Variants in FOXP2 observed in about 807,000 individuals in gnomAD.
The protein encoded by FOXP2 is forkhead box protein P2.
In FOXP2, 12 loss-of-function variants were observed where a neutral mutation model predicts 115.8. The ratio of observed to expected loss-of-function variants is 0.10; its 90% confidence interval spans 0.07 to 0.17. FOXP2 has a LOEUF of 0.17. FOXP2 is among the 10% of genes least tolerant of loss of function. The probability of loss-of-function intolerance (pLI) is 1.00; values close to 1 mark genes in which losing one functional copy is unlikely to be tolerated. For missense variants in FOXP2, 629 were observed against 843.5 expected (o/e 0.75, Z 3.15); for synonymous variants, 328 against 297.7 (o/e 1.10, Z -1.05).
chr7:114,517,893 T>C (rs983406029), intron 2 of FOXP2, among the ~76,000 whole-genome samples: 1 of 152,188 alleles, frequency 6.6e-6, no homozygotes, highest in South Asian at 2.1e-4. Flanking sequence ...AGCAATTGTA[T>C]TGAATCTGTG....
At chr7:114,444,462 C>G (rs1794742234) in intron 2 of FOXP2, among the ~76,000 whole-genome samples, 2 of 152,152 alleles carry the variant, frequency 1.3e-5, no homozygotes, top group Admixed American at 6.6e-5. Flanking sequence ...GGTTGTAAAG[C>G]CTCACTCTTA....
chr7:114,479,720 C>T (rs1449399852), intron 2 of FOXP2, among the ~76,000 whole-genome samples: 1 of 151,410 alleles, frequency 6.6e-6, no homozygotes, highest in African/African-American at 2.4e-5. Context: ...CAAATCTGTA[C>T]ACATGTTATT....
At chr7:114,515,834 G>A (rs570657656) in intron 2 of FOXP2, among the ~76,000 whole-genome samples, 5 of 152,012 alleles carry the variant, frequency 3.3e-5, no homozygotes, top group African/African-American at 4.8e-5. Context: ...ATAAAATACC[G>A]AGGAATCCAA....
At chr7:114,649,502 G>T (rs1003003992) in intron 8 of FOXP2, among the ~76,000 whole-genome samples, 1 of 151,956 alleles carries the variant, frequency 6.6e-6, no homozygotes. Flanking sequence ...AAATCATAGA[G>T]AATTTTTGAA....
intron 16 of FOXP2, among the ~76,000 whole-genome samples, chr7:114,680,838 T>G (rs1268899622): frequency 2.6e-5 from 4 of 152,022 alleles, no homozygotes; most frequent in Non-Finnish European, 2.9e-5. Context: ...AATGGCATAA[T>G]GAATGTCTGA....
intron 3 of FOXP2, among the ~76,000 whole-genome samples, chr7:114,574,155 T>C (rs1379522158): frequency 6.6e-6 from 1 of 151,818 alleles, no homozygotes; most frequent in African/African-American, 2.4e-5. Context: ...TGTATGCACT[T>C]ATCTTTATGT....
chr7:114,187,845 C>T (rs1418198872), intron 1 of FOXP2, among the ~76,000 whole-genome samples: 2 of 152,064 alleles, frequency 1.3e-5, no homozygotes, highest in Non-Finnish European at 2.9e-5. Context: ...GGGTGCCAAC[C>T]TCTCACAAGG....
intron 3 of FOXP2, among the ~76,000 whole-genome samples, chr7:114,542,185 A>G (rs776042211): frequency 6.0e-5 from 9 of 150,702 alleles, no homozygotes; most frequent in Non-Finnish European, 8.9e-5. Context: ...TTACCATTTT[A>G]TTTTCTTCTC....
chr7:114,474,054 C>G lies in FOXP2; in HGVS notation c.168+47375C>G, dbSNP rs373677429. On this transcript the variant is annotated intron_variant, in intron 2 of 16. Coordinates refer to ENST00000350908, the MANE Select transcript of FOXP2 (RefSeq NM_014491.4). ...CACCCTTCTTTAAAGTAAACTTTCT[C>G]TCTAATTCATGTCTTAAAAACATAA... is the stretch of plus-strand genomic sequence containing the variant. Among the ~76,000 whole-genome samples, 9 of 152,274 alleles carry G rather than the reference C, an allele frequency of 5.9e-5. No homozygotes were observed. The East Asian group carries it at 1.2e-3, about 20-fold the overall frequency.
chr7:114,267,352 A>G (rs922648776), intron 1 of FOXP2, among the ~76,000 whole-genome samples: 1 of 152,166 alleles, frequency 6.6e-6, no homozygotes, highest in Admixed American at 6.5e-5. Flanking sequence ...CTATTCATTT[A>G]CTATTCCGTA....
intron 3 of FOXP2, among the ~76,000 whole-genome samples, chr7:114,538,726 A>G (rs1302138912): frequency 6.6e-6 from 1 of 151,748 alleles, no homozygotes; most frequent in African/African-American, 2.4e-5. Context: ...TAAGTGAGGT[A>G]TCTTAATTTT....
chr7:114,226,171 C>T (rs1344469635), intron 1 of FOXP2, among the ~76,000 whole-genome samples: 6 of 152,138 alleles, frequency 3.9e-5, no homozygotes, highest in Non-Finnish European at 7.3e-5. Flanking sequence ...CCTTAAAGCC[C>T]CCCAATTTAC....
At chr7:114,091,745 A>G (rs1350854615) in intron 1 of FOXP2, among the ~76,000 whole-genome samples, 1 of 152,014 alleles carries the variant, frequency 6.6e-6, no homozygotes, top group Non-Finnish European at 1.5e-5. Context: ...CAGTTTGCCA[A>G]GTACAATTTG....
intron 1 of FOXP2, among the ~76,000 whole-genome samples, chr7:114,146,538 GGA>G (rs1222872834): frequency 6.6e-6 from 1 of 152,182 alleles, no homozygotes; most frequent in Non-Finnish European, 1.5e-5. Context: ...AGAAAAGAAA[GGA>G]GAGAGATCAG....
At chr7:114,338,939 C>T (rs1562877389) in intron 2 of FOXP2, among the ~76,000 whole-genome samples, 2 of 150,896 alleles carry the variant, frequency 1.3e-5, no homozygotes, top group Non-Finnish European at 3.0e-5. Flanking sequence ...TTAAAACTAC[C>T]AAAACAGATC....
chr7:114,363,772 G>T (rs191279259), intron 2 of FOXP2, among the ~76,000 whole-genome samples: 1 of 151,740 alleles, frequency 6.6e-6, no homozygotes, highest in Non-Finnish European at 1.5e-5. Flanking sequence ...GGATTCAGAC[G>T]TTGCCTTCTT....
intron 2 of FOXP2, among the ~76,000 whole-genome samples, chr7:114,293,139 C>T (rs1359493982): frequency 1.3e-5 from 2 of 152,086 alleles, no homozygotes; most frequent in East Asian, 3.9e-4. Context: ...ATTTTTTCCC[C>T]CATATTTACC....
chr7:114,231,410 C>T (rs569637170), intron 1 of FOXP2, among the ~76,000 whole-genome samples: 1 of 152,128 alleles, frequency 6.6e-6, no homozygotes, highest in East Asian at 1.9e-4. Context: ...CTTTAAATAA[C>T]CAAAACAATT....
intron 1 of FOXP2, among the ~76,000 whole-genome samples, chr7:114,190,169 A>G (rs2129157151): frequency 6.6e-6 from 1 of 152,300 alleles, no homozygotes; most frequent in East Asian, 1.9e-4. Context: ...AATTTTATAA[A>G]TCAACTTGAC....
Sources: gnomAD v4.1 joint callset for allele counts (sites outside exome capture counted in the v4.1 genomes callset) on GRCh38, gnomAD v4.1.1 for gene constraint, MANE v1.5 for transcripts, NCBI Gene and HGNC (gene_info 2026-07-23, HGNC 2026-07-21) for gene names.